The following PDS5B variants were observed in gnomAD, a reference collection of about 807,000 sequenced individuals.
The protein encoded by PDS5B is sister chromatid cohesion protein PDS5 homolog B.
Under a neutral mutation model 184.1 loss-of-function variants are expected in PDS5B, and 51 were observed. The observed-to-expected ratio is 0.28, with a 90% CI of 0.22 to 0.35. The LOEUF (loss-of-function observed/expected upper bound fraction) is 0.35, where lower values mean the gene tolerates loss of function less well. PDS5B is among the 10% of genes least tolerant of loss of function. The pLI is 1.00. For synonymous variants in PDS5B, 566 were observed against 569.2 expected (o/e 0.99, Z 0.08); for missense variants, 1,180 against 1,723.3 (o/e 0.68, Z 5.58).
chr13:32,755,023 G>A (rs1339474241), intron 25 of PDS5B, among the ~76,000 whole-genome samples: 1 of 151,976 alleles, frequency 6.6e-6, no homozygotes, highest in Non-Finnish European at 1.5e-5. Flanking sequence ...TTCTTTCCAC[G>A]TCGGCCTTGA....
intron 6 of PDS5B, among the ~76,000 whole-genome samples, chr13:32,661,947 T>C (rs1475089626): frequency 6.6e-6 from 1 of 152,160 alleles, no homozygotes; most frequent in Non-Finnish European, 1.5e-5. Flanking sequence ...AAGTTTGAAC[T>C]TTAAATGAAC....
intron 13 of PDS5B, chr13:32,690,765 A>G (rs912776593): frequency 6.6e-6 from 1 of 152,190 alleles, no homozygotes; most frequent in African/African-American, 2.4e-5. Flanking sequence ...TGAAAAGTTA[A>G]AAGTAAATTC....
intron 24 of PDS5B, among the ~76,000 whole-genome samples, chr13:32,752,521 G>C (rs1295341044): frequency 6.6e-6 from 1 of 152,128 alleles, no homozygotes; most frequent in African/African-American, 2.4e-5. Flanking sequence ...TGGTGGGTAA[G>C]ACAGACATTT....
chr13:32,653,643 G>A (rs1225981718), intron 3 of PDS5B, among the ~76,000 whole-genome samples: 1 of 152,188 alleles, frequency 6.6e-6, no homozygotes. Context: ...GTCATTTAAA[G>A]GTGGTATTGA....
chr13:32,751,624 T>C (rs1292967233), intron 24 of PDS5B, among the ~76,000 whole-genome samples: 1 of 152,262 alleles, frequency 6.6e-6, no homozygotes, highest in Non-Finnish European at 1.5e-5. Context: ...TGAACATTTT[T>C]TCATATGCTT....
intron 21 of PDS5B, 50 bp from the exon 22 acceptor site, chr13:32,741,030 A>G (rs1259697940): frequency 9.4e-7 from 1 of 1,059,928 alleles, no homozygotes; most frequent in African/African-American, 1.6e-5. Context: ...AAGAATTCAT[A>G]TTTACATTTT....
chr13:32,604,009 T>C (rs1304329115), intron 1 of PDS5B, among the ~76,000 whole-genome samples: 2 of 152,244 alleles, frequency 1.3e-5, no homozygotes, highest in African/African-American at 2.4e-5. Context: ...TATACAGTCA[T>C]GTCATCTGCA....
chr13:32,694,525 A>C (rs963267633), intron 14 of PDS5B, among the ~76,000 whole-genome samples: 3 of 151,882 alleles, frequency 2.0e-5, no homozygotes, highest in Admixed American at 6.6e-5. Context: ...CATTACAGAG[A>C]GTGTGGGTCT....
chr13:32,720,623 A>C (rs895185465), intron 19 of PDS5B, among the ~76,000 whole-genome samples: 1 of 151,170 alleles, frequency 6.6e-6, no homozygotes, highest in African/African-American at 2.4e-5. Flanking sequence ...TTATTTATTT[A>C]TTTATTTTAT....
At chr13:32,635,170 G>GTTTTTTTTTTTTTTTTTT (rs71071054) in intron 1 of PDS5B, among the ~76,000 whole-genome samples, 2 of 81,122 alleles carry the variant, frequency 2.5e-5, no homozygotes, top group Non-Finnish European at 5.0e-5. Context: ...AGCCAATTAC[G>GTTTTTTTTTTTTTTTTTT]TTTTTTTTTT....
At position 32,621,328 on chromosome 13, in the gene PDS5B, G is replaced by T. The variant is rs550746189; in HGVS notation, c.-19-27426G>T. Among the ~76,000 whole-genome samples the T allele has an allele frequency of 2.0e-5, 3 of 152,294 alleles. No individual in the cohort carries two copies. The East Asian group carries it at 5.8e-4, about 29-fold the overall frequency. The stretch of plus-strand genomic sequence containing the variant: ...AAAATAAAAAAATTGGCTGGGCGTG[G>T]TGGTGTGTTCCTGTAGCAATCTCAG... On this transcript the variant is annotated intron_variant, in intron 1 of 34. Transcript: ENST00000315596.
intron 19 of PDS5B, among the ~76,000 whole-genome samples, chr13:32,719,239 G>T (rs1399238803): frequency 2.6e-5 from 4 of 152,142 alleles, no homozygotes; most frequent in Non-Finnish European, 2.9e-5. Flanking sequence ...CTGGAGTGCA[G>T]TGGCTCAATC....
At chr13:32,683,566 C>T (rs573284763) in intron 10 of PDS5B, among the ~76,000 whole-genome samples, 2 of 150,666 alleles carry the variant, frequency 1.3e-5, no homozygotes, top group African/African-American at 2.4e-5. Flanking sequence ...GTGATCTGCC[C>T]GCCTCGGCCT....
intron 23 of PDS5B, among the ~76,000 whole-genome samples, chr13:32,745,497 T>A (rs565181938): frequency 6.6e-6 from 1 of 152,344 alleles, no homozygotes; most frequent in South Asian, 2.1e-4. Context: ...TGGTGTTCAG[T>A]ATTGCTAAAT....
chr13:32,703,288 A>G (rs1432076374), intron 17 of PDS5B, among the ~76,000 whole-genome samples: 2 of 152,228 alleles, frequency 1.3e-5, no homozygotes, highest in African/African-American at 4.8e-5. Flanking sequence ...GTAGAAATGT[A>G]AGAAGACTAG....
At chr13:32,747,334 A>G (rs533468249) in intron 24 of PDS5B, among the ~76,000 whole-genome samples, 1 of 152,210 alleles carries the variant, frequency 6.6e-6, no homozygotes, top group East Asian at 1.9e-4. Context: ...CCCACCCTTT[A>G]TTCTAGTACA....
chr13:32,695,734 T>A (rs772756252), intron 14 of PDS5B, among the ~76,000 whole-genome samples: 8 of 152,054 alleles, frequency 5.3e-5, no homozygotes, highest in Non-Finnish European at 8.8e-5. Flanking sequence ...CTAAAATTTA[T>A]GTATTTAGTT....
Position 32,769,228 on chromosome 13 carries a change from G to A in PDS5B, c.3625-893G>A, listed in dbSNP as rs57913648. Among the ~76,000 whole-genome samples, 896 of 152,152 alleles carry A rather than the reference G, an allele frequency of 5.9e-3. 14 individuals carry two copies. The highest frequency in any genetic ancestry group is 0.02 in the African/African-American group (846 of 41,516). On this transcript the variant is annotated intron_variant, in intron 31 of 34. Transcript: ENST00000315596. Reference sequence around the variant, plus strand: ...AATATAGAGAAAACCCACTAACACCGCAGTAGTCAAAGTTGACAAAGGACA... The same window carrying A: ...AATATAGAGAAAACCCACTAACACCACAGTAGTCAAAGTTGACAAAGGACA...
intron 26 of PDS5B, among the ~76,000 whole-genome samples, chr13:32,756,251 C>T (rs34780972): frequency 0.13 from 20,024 of 152,074 alleles, 1,664 homozygotes; most frequent in South Asian, 0.29. Flanking sequence ...CTTATCTTTT[C>T]CTTCTTCCTT....
Sources: allele counts gnomAD v4.1 joint callset (sites outside exome capture counted in the v4.1 genomes callset), GRCh38; gene constraint gnomAD v4.1.1; transcripts MANE v1.5; gene names NCBI Gene and HGNC (gene_info 2026-07-23, HGNC 2026-07-21).